The following ZNF383 variants were observed in gnomAD, a reference collection of about 807,000 sequenced individuals.
ZNF383 encodes zinc finger protein 383.
ZNF383 carries 32 observed loss-of-function variants against 44.2 expected under a neutral mutation model. The ratio of observed to expected loss-of-function variants is 0.72; its 90% CI spans 0.55 to 0.97. The LOEUF (loss-of-function observed/expected upper bound fraction) is 0.97. Among genes scored for constraint, ZNF383 ranks in the 50% least tolerant of loss-of-function variants. The pLI, the probability that ZNF383 is intolerant of heterozygous loss-of-function variation, is 0.00. For synonymous variants in ZNF383, 155 were observed against 186.2 expected, an observed-to-expected ratio of 0.83 and a Z score of 1.36; for missense variants, 487 against 562.5, an observed-to-expected ratio of 0.87 and a Z score of 1.36.
chr19:37,220,358 G>A lies in ZNF383; in HGVS notation c.-168+2084G>A, dbSNP rs111573534. On this transcript the variant is annotated intron_variant, in intron 1 of 5. Transcript: ENST00000684119. Reference sequence around the variant, plus strand: ...AGCTCACTGCAACCTCCCGCCTCCCGAGTTCAAGCAATTCTCCCGCTCCAG... The same window carrying A: ...AGCTCACTGCAACCTCCCGCCTCCCAAGTTCAAGCAATTCTCCCGCTCCAG... 1.4e-4 allele frequency among the ~76,000 whole-genome samples: 21 copies of A among 152,160 alleles called. 2 individuals are homozygous for A. Among genetic ancestry groups the A allele is most frequent in the African/African-American group, 5.1e-4 (21 of 41,530 alleles).
chr19:37,229,742 G>A (rs1268373747), intron 2 of ZNF383, among the ~76,000 whole-genome samples: 1 of 141,100 alleles, frequency 7.1e-6, no homozygotes, highest in Non-Finnish European at 1.5e-5. Flanking sequence ...ATATGTGTGT[G>A]TATATATGTA....
chr19:37,228,743 A>G (rs1216374513), intron 2 of ZNF383, among the ~76,000 whole-genome samples: 4 of 152,028 alleles, frequency 2.6e-5, no homozygotes, highest in African/African-American at 7.2e-5. Context: ...GGCTTTTTCA[A>G]AGTTCCCGAG....
intron 3 of ZNF383, 114 bp from the exon 4 acceptor site, chr19:37,235,435 G>A: frequency 9.7e-7 from 1 of 1,027,630 alleles, no homozygotes; most frequent in Non-Finnish European, 1.5e-6. Flanking sequence ...AAAGATACAG[G>A]TTCTCAGTGA....
At chr19:37,237,201 A>G (rs1028117341) in intron 5 of ZNF383, among the ~76,000 whole-genome samples, 4 of 152,208 alleles carry the variant, frequency 2.6e-5, no homozygotes, top group Admixed American at 6.5e-5. Flanking sequence ...GTGCTAAAAT[A>G]TATACATATA....
intron 1 of ZNF383, among the ~76,000 whole-genome samples, chr19:37,218,641 G>T (rs1021805964): frequency 1.3e-5 from 2 of 152,110 alleles, no homozygotes; most frequent in Non-Finnish European, 2.9e-5. Flanking sequence ...AGTCTGAGGG[G>T]TGTGTGTAAT....
intron 3 of ZNF383, among the ~76,000 whole-genome samples, chr19:37,233,004 T>G (rs532522620): frequency 6.6e-6 from 1 of 152,220 alleles, no homozygotes; most frequent in African/African-American, 2.4e-5. Context: ...ATAGGGAAAT[T>G]CATCAAACAC....
In ZNF383 at chr19:37,230,287, A is replaced by G. The variant is rs1973419174; in HGVS notation, c.-45-122A>G. On this transcript the variant is annotated intron_variant, in intron 2 of 5. Transcript: ENST00000684119. ...GGAGTAGGATTTGTTCCATATTCCT[A>G]CTAACTGGAGTTGTATCTCAAGACC... is the stretch of plus-strand genomic sequence containing the variant. 6.5e-6 allele frequency: 4 copies of G among 616,898 alleles called. No homozygotes were observed. In the Admixed American group the frequency reaches 8.2e-5, roughly 13 times the overall value. The allele number at this position is 616,898 out of a possible 1,614,324, so 38.2% of individuals were successfully genotyped here.
At chr19:37,239,048 T>C (rs1302728286) in intron 5 of ZNF383, among the ~76,000 whole-genome samples, 2 of 152,118 alleles carry the variant, frequency 1.3e-5, no homozygotes, top group Non-Finnish European at 2.9e-5. Context: ...GCCTTCTGAG[T>C]AGCTGGGATT....
intron 3 of ZNF383, among the ~76,000 whole-genome samples, chr19:37,234,146 C>G (rs320876): frequency 0.7 from 107,147 of 152,116 alleles, 38,714 homozygotes; most frequent in African/African-American, 0.88. Flanking sequence ...TTAGAGGCAT[C>G]AGCCACCACG....
intron 2 of ZNF383, among the ~76,000 whole-genome samples, chr19:37,229,905 G>A (rs1973400131): frequency 6.6e-6 from 1 of 150,832 alleles, no homozygotes. Flanking sequence ...TGTGGTGAGT[G>A]AAGTTGACTT....
At chr19:37,235,716 A>T in intron 4 of ZNF383, 41 bp downstream of exon 4, 1 of 1,541,744 alleles carries the variant, frequency 6.5e-7, no homozygotes, top group Non-Finnish European at 8.7e-7. Context: ...TCTCCTCTGG[A>T]ATGTCTCCTT....
intron 2 of ZNF383, among the ~76,000 whole-genome samples, chr19:37,229,802 ATT>A (rs66525453): frequency 0.16 from 20,356 of 125,110 alleles, 1,613 homozygotes; most frequent in African/African-American, 0.24. Flanking sequence ...ATATATATAT[ATT>A]TTTTTTTTTT....
Position 37,243,471 on chromosome 19 carries a change from A to G in ZNF383, c.1235A>G (p.His412Arg), listed in dbSNP as rs760051145. Residue 412 changes from histidine (H) to arginine (R), a missense_variant, in exon 6 of 6, where the codon CAT becomes CGT. Physicochemically the swap from His to Arg is conservative, Grantham distance 29. Coordinates refer to ENST00000684119, the MANE Select transcript of ZNF383 (RefSeq NM_001387601.1). ...ACTCAGAACTCACAACTTTTCCAGC[A>G]TCAGAGAATTCATACAGATGAAAAA... ...AFTQNSQLFQ[H>R]QRIHTDEKPY... 3.1e-6 allele frequency: 5 copies of G among 1,614,082 alleles called. No homozygotes were observed. The highest frequency in any genetic ancestry group is 4.2e-6 in the Non-Finnish European group (5 of 1,179,912).
chr19:37,231,520 A>G (rs1240776240), intron 3 of ZNF383, among the ~76,000 whole-genome samples: 1 of 152,198 alleles, frequency 6.6e-6, no homozygotes, highest in East Asian at 1.9e-4. Flanking sequence ...CAAAAAAATA[A>G]AAATAAATAA....
intron 3 of ZNF383, among the ~76,000 whole-genome samples, chr19:37,233,797 C>T (rs1431207287): frequency 6.6e-6 from 1 of 152,096 alleles, no homozygotes; most frequent in East Asian, 1.9e-4. Flanking sequence ...CCAATTTCTA[C>T]ATTGAGGAGG....
intron 5 of ZNF383, among the ~76,000 whole-genome samples, chr19:37,241,882 T>TTGTA (rs1213195752): frequency 6.6e-6 from 1 of 150,890 alleles, no homozygotes; most frequent in Non-Finnish European, 1.5e-5. Context: ...GTTACACATA[T>TTGTA]TGTATGATAT....
At chr19:37,223,064 A>C (rs1568519301) in intron 1 of ZNF383, among the ~76,000 whole-genome samples, 1 of 152,238 alleles carries the variant, frequency 6.6e-6, no homozygotes, top group Non-Finnish European at 1.5e-5. Flanking sequence ...GGCTTCAAAT[A>C]TATTTGACAT....
chr19:37,240,262 A>C (rs1974019331), intron 5 of ZNF383, among the ~76,000 whole-genome samples: 1 of 152,152 alleles, frequency 6.6e-6, no homozygotes, highest in African/African-American at 2.4e-5. Flanking sequence ...AATAGGCTTC[A>C]TTTTGATATC....
chr19:37,224,250 A>C (rs1453135331), intron 1 of ZNF383, among the ~76,000 whole-genome samples: 1 of 152,228 alleles, frequency 6.6e-6, no homozygotes, highest in African/African-American at 2.4e-5. Context: ...ATTGAAATAC[A>C]AAATGAATGT....
Sources: allele counts gnomAD v4.1 joint callset (sites outside exome capture counted in the v4.1 genomes callset), GRCh38; gene constraint gnomAD v4.1.1; transcripts MANE v1.5; gene names NCBI Gene and HGNC (gene_info 2026-07-23, HGNC 2026-07-21).